The following PDE10A variants were observed in gnomAD, a reference collection of about 807,000 sequenced individuals.
PDE10A encodes cAMP and cAMP-inhibited cGMP 3',5'-cyclic phosphodiesterase 10A.
Under a neutral mutation model 97.7 loss-of-function variants are expected in PDE10A, and 39 were observed. That is an observed-to-expected ratio of 0.40 (90% CI 0.31 to 0.52). PDE10A has a LOEUF of 0.52. Among genes scored for constraint, PDE10A ranks in the 20% least tolerant of loss-of-function variants. PDE10A has a pLI of 0.56. For missense variants in PDE10A, 731 were observed against 1,047.8 expected (o/e 0.70, Z 4.17); for synonymous variants, 371 against 376.8 (o/e 0.98, Z 0.18).
intron 2 of PDE10A, among the ~76,000 whole-genome samples, chr6:165,526,557 G>A (rs1238428529): frequency 1.3e-5 from 2 of 152,168 alleles, no homozygotes; most frequent in Non-Finnish European, 2.9e-5. Flanking sequence ...CACCATCAAG[G>A]ACTTGAAAGA....
chr6:165,549,449 C>T (rs1468096613), intron 1 of PDE10A, among the ~76,000 whole-genome samples: 2 of 152,076 alleles, frequency 1.3e-5, no homozygotes, highest in Non-Finnish European at 2.9e-5. Flanking sequence ...CTCAGCCTCC[C>T]GATTAGCTGG....
At chr6:165,925,483 A>C (rs1258874212) in intron 1 of PDE10A, among the ~76,000 whole-genome samples, 9 of 152,244 alleles carry the variant, frequency 5.9e-5, no homozygotes, top group Non-Finnish European at 1.3e-4. Context: ...AAACACTGGA[A>C]ATAACCCAAA....
In PDE10A at chr6:165,364,354, C is replaced by T. The variant is rs76834857; in HGVS notation, c.2783+14840G>A. Among the ~76,000 whole-genome samples, 1,031 of 152,204 alleles carry T rather than the reference C, an allele frequency of 6.8e-3. 9 individuals are homozygous for T. The highest frequency in any genetic ancestry group is 0.024 in the African/African-American group (991 of 41,508). On this transcript the variant is annotated intron_variant, in intron 18 of 21. Coordinates refer to ENST00000539869, the MANE Select transcript of PDE10A (RefSeq NM_001385079.1). ...GTGAGGTGGCAGCTAGAAGATGGCTCTCTAGGAACCAGAAAACAGGCCCTC... is the reference window on the plus strand; with the variant it reads ...GTGAGGTGGCAGCTAGAAGATGGCTTTCTAGGAACCAGAAAACAGGCCCTC...
chr6:165,937,564 G>T (rs79693238), intron 1 of PDE10A, among the ~76,000 whole-genome samples: 6,599 of 152,238 alleles, frequency 0.043, 201 homozygotes, highest in Non-Finnish European at 0.061. Context: ...TTTATTGGAA[G>T]AGTTGGTACA....
At chr6:165,589,870 AC>A (rs1369136088) in intron 1 of PDE10A, among the ~76,000 whole-genome samples, 1 of 152,064 alleles carries the variant, frequency 6.6e-6, no homozygotes, top group Non-Finnish European at 1.5e-5. Flanking sequence ...CCACTAAAAA[AC>A]AAAAAAAATT....
In PDE10A at chr6:165,670,512, C is replaced by T. The variant is rs553299553; in HGVS notation, c.-614-126944G>A. ...ATCCCAGAAGTTTAGGCAAGATTAA[C>T]GTGTGCATTCTGAGCAATTCTCTTG... On this transcript the variant is annotated intron_variant, in intron 1 of 19. Transcript: ENST00000366882. Among the ~76,000 whole-genome samples, 16 of 152,252 alleles carry T rather than the reference C, an allele frequency of 1.1e-4. No individual in the cohort carries two copies. In the East Asian group the frequency reaches 1.7e-3, roughly 17 times the overall value.
chr6:165,936,778 GA>G lies in PDE10A; in HGVS notation c.-615+50750del, dbSNP rs141900276. On this transcript the variant is annotated intron_variant, in intron 1 of 19. Transcript: ENST00000366882. Reference sequence around the variant, plus strand: ...CCAACGTTGATGGAGAATGAGTAGAGACTTACTGGGGAGCCTCATTGTTCCC... The same window carrying G: ...CCAACGTTGATGGAGAATGAGTAGAGCTTACTGGGGAGCCTCATTGTTCCC... Among the ~76,000 whole-genome samples, 1,130 of 152,300 alleles carry G rather than the reference GA, an allele frequency of 7.4e-3. 8 individuals carry two copies. Among genetic ancestry groups the G allele is most frequent in the Non-Finnish European group, 0.013 (857 of 68,026 alleles).
intron 1 of PDE10A, among the ~76,000 whole-genome samples, chr6:165,613,803 T>C (rs1466766288): frequency 6.6e-6 from 1 of 152,200 alleles, no homozygotes; most frequent in Non-Finnish European, 1.5e-5. Flanking sequence ...TATTTCCCTC[T>C]CCACCTTCAG....
At chr6:165,466,084 A>C (rs1378513153) in intron 3 of PDE10A, among the ~76,000 whole-genome samples, 1 of 152,220 alleles carries the variant, frequency 6.6e-6, no homozygotes, top group Non-Finnish European at 1.5e-5. Flanking sequence ...TCTGCAAATC[A>C]ACAAGGCACT....
intron 9 of PDE10A, among the ~76,000 whole-genome samples, chr6:165,429,630 G>C (rs188454569): frequency 6.6e-6 from 1 of 152,008 alleles, no homozygotes; most frequent in Non-Finnish European, 1.5e-5. Flanking sequence ...TAGTGAACTT[G>C]TAGGAGGACA....
intron 1 of PDE10A, among the ~76,000 whole-genome samples, chr6:165,599,859 C>T (rs552710566): frequency 2.6e-5 from 4 of 152,226 alleles, no homozygotes; most frequent in African/African-American, 7.2e-5. Context: ...TACACAGACT[C>T]GCCTAGGAAC....
chr6:165,367,241 ATGTG>A (rs58370634), intron 18 of PDE10A, among the ~76,000 whole-genome samples: 127 of 147,208 alleles, frequency 8.6e-4, no homozygotes, highest in Middle Eastern at 7.0e-3. Flanking sequence ...ACACACACAT[ATGTG>A]TGTGTGTGTG....
At chr6:165,754,715 C>T (rs915295004) in intron 1 of PDE10A, among the ~76,000 whole-genome samples, 1 of 152,112 alleles carries the variant, frequency 6.6e-6, no homozygotes, top group African/African-American at 2.4e-5. Context: ...GGGAAAGTCA[C>T]TTAACCTCCT....
intron 1 of PDE10A, among the ~76,000 whole-genome samples, chr6:165,792,925 T>C (rs1439437961): frequency 6.6e-6 from 1 of 152,210 alleles, no homozygotes. Flanking sequence ...CAGCCTTTCC[T>C]GTCTGGTGGG....
chr6:165,949,433 T>A (rs1055340157), intron 1 of PDE10A: 1 of 152,266 alleles, frequency 6.6e-6, no homozygotes, highest in Non-Finnish European at 1.5e-5. Context: ...GGATGATGAC[T>A]GGGGTGACCA....
chr6:165,675,812 A>G (rs978283542), intron 1 of PDE10A, among the ~76,000 whole-genome samples: 1 of 152,254 alleles, frequency 6.6e-6, no homozygotes, highest in Non-Finnish European at 1.5e-5. Context: ...TATGAAACAT[A>G]TATTCTAGAA....
chr6:165,640,364 A>G (rs538355205), intron 1 of PDE10A, among the ~76,000 whole-genome samples: 4 of 152,342 alleles, frequency 2.6e-5, no homozygotes, highest in African/African-American at 9.6e-5. Flanking sequence ...TTCAGCAAAC[A>G]GGTATATTAA....
chr6:165,946,044 T>A (rs1208303359), intron 1 of PDE10A, among the ~76,000 whole-genome samples: 1 of 142,460 alleles, frequency 7.0e-6, no homozygotes, highest in Non-Finnish European at 1.5e-5. Flanking sequence ...TTTGCTTTTG[T>A]TGCCTGTGCT....
At chr6:165,448,356 T>A (rs972313740) in intron 5 of PDE10A, among the ~76,000 whole-genome samples, 2 of 152,164 alleles carry the variant, frequency 1.3e-5, no homozygotes, top group Admixed American at 6.5e-5. Context: ...CGGGCTGTGC[T>A]CCAGGTAAGT....
Sources: allele counts gnomAD v4.1 joint callset (sites outside exome capture counted in the v4.1 genomes callset), GRCh38; gene constraint gnomAD v4.1.1; transcripts MANE v1.5; gene names NCBI Gene and HGNC (gene_info 2026-07-23, HGNC 2026-07-21).